The following RAB22A variants were observed in gnomAD, a reference collection of about 807,000 sequenced individuals.
RAB22A encodes the protein ras-related protein Rab-22A.
Under a neutral mutation model 30.2 loss-of-function variants are expected in RAB22A, and 13 were observed. That is an observed-to-expected ratio of 0.43 (90% CI 0.28 to 0.68). The LOEUF (loss-of-function observed/expected upper bound fraction) is 0.68, where lower values mean the gene tolerates loss of function less well. Among genes scored for constraint, RAB22A ranks in the 30% least tolerant of loss-of-function variants. The pLI is 0.18. For synonymous variants in RAB22A, 89 were observed against 87.2 expected (o/e 1.02, Z -0.11); for missense variants, 177 against 246.8 (o/e 0.72, Z 1.89).
chr20:58,342,077 C>T (rs867353639), intron 2 of RAB22A, among the ~76,000 whole-genome samples: 4 of 152,224 alleles, frequency 2.6e-5, no homozygotes, highest in African/African-American at 9.6e-5. Context: ...TTACAGAGCA[C>T]TTCCACATAC....
intron 3 of RAB22A, among the ~76,000 whole-genome samples, chr20:58,351,659 C>A (rs1403995535): frequency 6.6e-6 from 1 of 152,064 alleles, no homozygotes; most frequent in East Asian, 1.9e-4. Context: ...ACTAAAAATA[C>A]AAAATTAGCC....
intron 2 of RAB22A, among the ~76,000 whole-genome samples, chr20:58,331,177 G>C (rs1478803477): frequency 6.6e-6 from 1 of 151,950 alleles, no homozygotes; most frequent in Non-Finnish European, 1.5e-5. Context: ...TCCTCTTTTT[G>C]AAATGTTCTC....
chr20:58,335,063 T>G (rs773927729), intron 2 of RAB22A, among the ~76,000 whole-genome samples: 9 of 152,176 alleles, frequency 5.9e-5, no homozygotes, highest in Non-Finnish European at 8.8e-5. Context: ...GTCACGCAAT[T>G]GAATACCATC....
rs531361910 is a variant in RAB22A, at chr20:58,364,944, A to C, written c.*5241A>C. 2 of 152,238 alleles carry C rather than the reference A, an allele frequency of 1.3e-5. No individual in the cohort carries two copies. The highest frequency in any genetic ancestry group is 1.3e-4 in the Admixed American group (2 of 15,284). 9.4% of individuals were successfully genotyped at this position (152,238 alleles called of 1,614,324 possible). A position where few individuals can be genotyped will look rare whatever the true frequency, so the allele number is the denominator to read the frequency against. On this transcript the variant is annotated 3_prime_UTR_variant, in exon 7 of 7. Transcript: ENST00000244040. ...GAGATGGGGTTTCACCATGTTTGCC[A>C]GGCTGGTCTCGAACTCCTGACCTCA... is the stretch of plus-strand genomic sequence containing the variant.
intron 3 of RAB22A, among the ~76,000 whole-genome samples, chr20:58,351,204 G>A (rs562101447): frequency 1.3e-5 from 2 of 151,934 alleles, no homozygotes; most frequent in East Asian, 3.9e-4. Flanking sequence ...GGGCATGGTG[G>A]CACTTACTGT....
intron 2 of RAB22A, among the ~76,000 whole-genome samples, 200 bp from the exon 3 acceptor site, chr20:58,343,518 A>T (rs747492707): frequency 6.6e-6 from 1 of 152,132 alleles, no homozygotes; most frequent in Non-Finnish European, 1.5e-5. Flanking sequence ...TGTCGGGCAG[A>T]TGTGCCTAAT....
chr20:58,321,738 A>G (rs1017127552), intron 2 of RAB22A, among the ~76,000 whole-genome samples: 3 of 115,398 alleles, frequency 2.6e-5, no homozygotes, highest in African/African-American at 1.3e-4. Context: ...TTTTTATATA[A>G]CATACATGTC....
intron 6 of RAB22A, among the ~76,000 whole-genome samples, chr20:58,355,748 C>G (rs1987119752): frequency 6.6e-6 from 1 of 152,102 alleles, no homozygotes; most frequent in African/African-American, 2.4e-5. Context: ...GGCTTGAGCC[C>G]AGGAATTTGA....
At chr20:58,312,017 G>T (rs969698077) in intron 2 of RAB22A, among the ~76,000 whole-genome samples, 3 of 152,092 alleles carry the variant, frequency 2.0e-5, no homozygotes, top group Non-Finnish European at 4.4e-5. Context: ...GTGCAATGGC[G>T]CAATCTTGGC....
At chr20:58,350,342 G>T (rs577682468) in intron 3 of RAB22A, among the ~76,000 whole-genome samples, 9 of 152,304 alleles carry the variant, frequency 5.9e-5, no homozygotes, top group African/African-American at 2.2e-4. Context: ...TAATTGGAGA[G>T]CCAGGAGGAG....
chr20:58,318,579 A>T (rs971534561), intron 2 of RAB22A, among the ~76,000 whole-genome samples: 2 of 151,824 alleles, frequency 1.3e-5, no homozygotes, highest in African/African-American at 4.8e-5. Context: ...AATCGGAAAC[A>T]CTTCTGGTCA....
chr20:58,366,728 T>C lies in RAB22A; in HGVS notation c.*7025T>C, dbSNP rs949476102. On this transcript the variant is annotated 3_prime_UTR_variant, in exon 7 of 7. Transcript: ENST00000244040. ...AGAGAATAGCAGCGCTCGCTTACCGTGGGAACACGGCCAGTTAACAAAATG... is the reference window on the plus strand; with the variant it reads ...AGAGAATAGCAGCGCTCGCTTACCGCGGGAACACGGCCAGTTAACAAAATG... The C allele has an allele frequency of 1.3e-5, 2 of 152,250 alleles. No homozygotes were observed. The highest frequency in any genetic ancestry group is 2.9e-5 in the Non-Finnish European group (2 of 68,048). 9.4% of individuals were successfully genotyped at this position (152,250 alleles called of 1,614,324 possible). A position where few individuals can be genotyped will look rare whatever the true frequency, so the allele number is the denominator to read the frequency against.
At chr20:58,327,206 C>T (rs530769118) in intron 2 of RAB22A, among the ~76,000 whole-genome samples, 1 of 152,184 alleles carries the variant, frequency 6.6e-6, no homozygotes, top group East Asian at 1.9e-4. Context: ...TTGTTTTTCT[C>T]TTATGTTAAT....
Position 58,359,810 on chromosome 20 carries a change from C to A in RAB22A, c.*107C>A. On this transcript the variant is annotated 3_prime_UTR_variant, in exon 7 of 7. Coordinates refer to ENST00000244040, the MANE Select transcript of RAB22A (RefSeq NM_020673.3). Reference sequence around the variant, plus strand: ...TTTCACCTAGCCAGTCTTGAGTCTTCTCCGTGCAAAAAGGATTCACAGAAA... The same window carrying A: ...TTTCACCTAGCCAGTCTTGAGTCTTATCCGTGCAAAAAGGATTCACAGAAA... The A allele has an allele frequency of 1.1e-6, 1 of 930,274 alleles. No homozygotes were observed. The allele number at this position is 930,274 out of a possible 1,614,324, so 57.6% of individuals were successfully genotyped here.
chr20:58,353,403 C>T, intron 4 of RAB22A, 29 bp from the exon 5 acceptor site: 1 of 1,607,996 alleles, frequency 6.2e-7, no homozygotes. Flanking sequence ...GCTTAGATCT[C>T]CAGTTGCTCT....
At chr20:58,347,188 C>T (rs771303614) in intron 3 of RAB22A, among the ~76,000 whole-genome samples, 6 of 152,184 alleles carry the variant, frequency 3.9e-5, no homozygotes, top group African/African-American at 7.2e-5. Flanking sequence ...TTCAGACATC[C>T]TCCCCAACCT....
At chr20:58,352,150 A>G (rs749852286) in intron 3 of RAB22A, among the ~76,000 whole-genome samples, 31 of 152,210 alleles carry the variant, frequency 2.0e-4, no homozygotes, top group Admixed American at 8.5e-4. Flanking sequence ...AGATATATAC[A>G]TTTGTCAGTT....
rs532849058 is a variant in RAB22A, at chr20:58,330,039, A to G, written c.117-13679A>G. On this transcript the variant is annotated intron_variant, in intron 2 of 6. Transcript: ENST00000244040. ...TTATTCCCTAAATGATAAAGCAACT[A>G]TTTACTTAGCTTTTACAGTGTATTA... Among the ~76,000 whole-genome samples the G allele has an allele frequency of 3.9e-5, 6 of 152,310 alleles. No individual in the cohort carries two copies. In the South Asian group the frequency reaches 8.3e-4, roughly 21 times the overall value.
chr20:58,318,525 C>A (rs1986388448), intron 2 of RAB22A, among the ~76,000 whole-genome samples: 1 of 151,908 alleles, frequency 6.6e-6, no homozygotes, highest in African/African-American at 2.4e-5. Flanking sequence ...ATTCCAAATT[C>A]TGAAAAATTC....
Sources: allele counts gnomAD v4.1 joint callset (sites outside exome capture counted in the v4.1 genomes callset), GRCh38; gene constraint gnomAD v4.1.1; transcripts MANE v1.5; gene names NCBI Gene and HGNC (gene_info 2026-07-23, HGNC 2026-07-21).